IL18R1: variants seen among roughly 807,000 people sequenced by gnomAD.
The protein encoded by IL18R1 is interleukin-18 receptor 1.
In IL18R1, 40 loss-of-function variants were observed where a neutral mutation model predicts 48.5. That is an observed-to-expected ratio of 0.82 (90% CI 0.64 to 1.07). The LOEUF is 1.07. IL18R1 is among the 50% of genes least tolerant of loss of function. The probability of loss-of-function intolerance (pLI) is 0.00; values close to 1 mark genes in which losing one functional copy is unlikely to be tolerated. For synonymous variants in IL18R1, 232 were observed against 225.9 expected, an observed-to-expected ratio of 1.03 and a Z score of -0.24; for missense variants, 596 against 633.7, an observed-to-expected ratio of 0.94 and a Z score of 0.64.
intron 9 of IL18R1, among the ~76,000 whole-genome samples, chr2:102,392,548 C>G (rs1179713719): frequency 1.3e-5 from 2 of 152,124 alleles, no homozygotes; most frequent in East Asian, 3.8e-4. Context: ...TGAACAAATG[C>G]AGTCCACGAA....
chr2:102,360,520 C>A (rs573960705), intron 1 of IL18R1, among the ~76,000 whole-genome samples: 2 of 152,318 alleles, frequency 1.3e-5, no homozygotes, highest in South Asian at 4.1e-4. Context: ...ATCTCGGCCT[C>A]CCAAAGTGCT....
chr2:102,357,954 C>G (rs1171987088), intron 1 of IL18R1, among the ~76,000 whole-genome samples: 1 of 152,008 alleles, frequency 6.6e-6, no homozygotes, highest in African/African-American at 2.4e-5. Context: ...TATCATCTCA[C>G]AGGCTGAGTA....
chr2:102,367,877 T>A lies in IL18R1; in HGVS notation c.111T>A (p.Tyr37Ter). 1 of 1,614,056 alleles carries A rather than the reference T, an allele frequency of 6.2e-7. No individual in the cohort carries two copies. The highest frequency in any genetic ancestry group is 8.5e-7 in the Non-Finnish European group (1 of 1,179,910). The change falls in exon 3 of 11, where the codon TAT becomes TAA. Residue 37 changes from tyrosine to a stop codon, truncating the protein, a stop_gained. Coordinates refer to ENST00000233957, the MANE Select transcript of IL18R1 (RefSeq NM_003855.5). LOFTEE classifies it high-confidence loss of function. ...HITVVEGEPF[Y>*]LKHCSCSLAH... ...CTGTGGTTGAAGGGGAACCTTTCTA[T>A]CTGAAACATTGCTCGTGTTCACTTG...
chr2:102,366,416 T>C (rs1573895), intron 2 of IL18R1, among the ~76,000 whole-genome samples: 118,018 of 152,184 alleles, frequency 0.78, 46,771 homozygotes, highest in African/African-American at 0.9. Flanking sequence ...GCATTTTGGT[T>C]AAAGCCATTT....
intron 6 of IL18R1, among the ~76,000 whole-genome samples, chr2:102,383,494 G>A (rs1023914931): frequency 1.1e-4 from 17 of 152,058 alleles, no homozygotes; most frequent in Non-Finnish European, 1.5e-4. Flanking sequence ...ATTTATGCTC[G>A]TTGAATTAAC....
At chr2:102,394,395 G>C in intron 9 of IL18R1, 74 bp from the exon 10 acceptor site, 1 of 1,221,342 alleles carries the variant, frequency 8.2e-7, no homozygotes, top group Non-Finnish European at 1.2e-6. Context: ...CATTACTTAC[G>C]ACATTCACTT....
At chr2:102,364,544 T>G (rs948494624) in intron 2 of IL18R1, among the ~76,000 whole-genome samples, 1 of 152,202 alleles carries the variant, frequency 6.6e-6, no homozygotes, top group Non-Finnish European at 1.5e-5. Flanking sequence ...CATATACACA[T>G]GTATCACACC....
intron 4 of IL18R1, among the ~76,000 whole-genome samples, chr2:102,373,683 G>C (rs917392454): frequency 6.6e-6 from 1 of 152,044 alleles, no homozygotes; most frequent in African/African-American, 2.4e-5. Flanking sequence ...TGAGTGTAGT[G>C]TGTGTATGCA....
chr2:102,364,398 T>C lies in IL18R1; in HGVS notation c.58+1680T>C, dbSNP rs186351121. Reference sequence around the variant, plus strand: ...AGCATGAATGCATTTATAACAATCATGTCAAAATAACCCAGACATAAAGGA... The same window carrying C: ...AGCATGAATGCATTTATAACAATCACGTCAAAATAACCCAGACATAAAGGA... On this transcript the variant is annotated intron_variant, in intron 2 of 10. Coordinates refer to ENST00000233957, the MANE Select transcript of IL18R1 (RefSeq NM_003855.5). Among the ~76,000 whole-genome samples the C allele has an allele frequency of 7.2e-5, 11 of 152,352 alleles. No individual in the cohort carries two copies. The East Asian group carries it at 1.7e-3, about 24-fold the overall frequency.
intron 2 of IL18R1, among the ~76,000 whole-genome samples, chr2:102,363,954 G>T (rs985079845): frequency 1.3e-5 from 2 of 152,154 alleles, no homozygotes; most frequent in African/African-American, 2.4e-5. Flanking sequence ...CACAAACCTT[G>T]AATTCCACTT....
chr2:102,386,927 A>G lies in IL18R1; in HGVS notation c.876A>G (p.Leu292=), dbSNP rs771648780. ...TTGAAAATATTGGTGAAAGCAATCT[A>G]AATGTTTTATATAATTGCACTGTGG... ...LRIENIGESN[L]NVLYNCTVAS... Residue 292 remains leucine, a synonymous_variant, in exon 8 of 11, where the codon CTA becomes CTG. Transcript: ENST00000233957. 1.9e-6 allele frequency: 3 copies of G among 1,613,948 alleles called. No individual in the cohort carries two copies.
In IL18R1 at chr2:102,394,605, A is replaced by T. The variant is rs750018096; in HGVS notation, c.1248A>T (p.Glu416Asp). 3 of 1,611,606 alleles carry T rather than the reference A, an allele frequency of 1.9e-6. No homozygotes were observed. Residue 416 changes from glutamate (E) to aspartate (D), a missense_variant, in exon 10 of 11, where the codon GAA becomes GAT. By Grantham distance (45) the Glu-to-Asp change is conservative (BLOSUM62 2). Around this residue, in one of 3 missense-constraint regions of IL18R1, gnomAD observed 179 missense variants for 206.1 expected, o/e 0.87. Coordinates refer to ENST00000233957, the MANE Select transcript of IL18R1 (RefSeq NM_003855.5). ...TTGGGTATAAGTTATGCATATTTGA[A>T]AGGGATGTAGTGCCTGGAGGAGGTA... ...KHFGYKLCIFERDVVPGGAVV... is the reference protein window; with the variant it reads ...KHFGYKLCIFDRDVVPGGAVV...
At chr2:102,371,063 G>GT (rs1266998259) in intron 3 of IL18R1, among the ~76,000 whole-genome samples, 46 of 149,372 alleles carry the variant, frequency 3.1e-4, no homozygotes, top group African/African-American at 7.7e-4. Flanking sequence ...TGTTGTTGTT[G>GT]TTGTTTTTTT....
chr2:102,369,074 A>G (rs1267923096), intron 3 of IL18R1, among the ~76,000 whole-genome samples: 7 of 152,202 alleles, frequency 4.6e-5, no homozygotes, highest in African/African-American at 1.4e-4. Flanking sequence ...TCTTTAGATG[A>G]CCTTTTAAGA....
chr2:102,360,212 A>G (rs1678492368), intron 1 of IL18R1, among the ~76,000 whole-genome samples: 1 of 152,212 alleles, frequency 6.6e-6, no homozygotes, highest in Non-Finnish European at 1.5e-5. Flanking sequence ...GTGACACAGG[A>G]AAAATGCTCA....
chr2:102,387,357 TG>T (rs1278466898), intron 8 of IL18R1, among the ~76,000 whole-genome samples: 2 of 152,252 alleles, frequency 1.3e-5, no homozygotes, highest in East Asian at 3.9e-4. Context: ...CAGATCTGCG[TG>T]GGGTGAGGCC....
At chr2:102,363,862 A>G (rs1295939360) in intron 2 of IL18R1, among the ~76,000 whole-genome samples, 3 of 152,240 alleles carry the variant, frequency 2.0e-5, no homozygotes, top group Admixed American at 6.5e-5. Flanking sequence ...TTTATTCCAA[A>G]GGGCATTGGT....
intron 1 of IL18R1, among the ~76,000 whole-genome samples, chr2:102,358,072 T>C (rs1461390038): frequency 6.6e-6 from 1 of 152,178 alleles, no homozygotes; most frequent in East Asian, 1.9e-4. Context: ...ATTGTATGTG[T>C]TGCTAATGAG....
intron 5 of IL18R1, among the ~76,000 whole-genome samples, chr2:102,377,872 T>C (rs1679683963): frequency 6.6e-6 from 1 of 152,194 alleles, no homozygotes; most frequent in African/African-American, 2.4e-5. Context: ...ATGTAACATA[T>C]CGTATTCACA....
Sources: gnomAD v4.1 joint callset for allele counts (sites outside exome capture counted in the v4.1 genomes callset) on GRCh38, gnomAD v4.1.1 for gene constraint, gnomAD v4.1.1 regional missense constraint, MANE v1.5 for transcripts, NCBI Gene and HGNC (gene_info 2026-07-23, HGNC 2026-07-21) for gene names.